MLLT10: variants seen among roughly 807,000 people sequenced by gnomAD.
MLLT10 encodes the protein protein AF-10.
MLLT10 carries 30 observed loss-of-function variants against 129.1 expected under a neutral mutation model. The ratio of observed to expected loss-of-function variants is 0.23; its 90% CI spans 0.17 to 0.32. MLLT10 has a LOEUF of 0.32. Among genes scored for constraint, MLLT10 ranks in the 10% least tolerant of loss-of-function variants. The pLI is 1.00. For synonymous variants in MLLT10, 490 were observed against 446.4 expected (o/e 1.10, Z -1.23); for missense variants, 1,119 against 1,268.3 (o/e 0.88, Z 1.79).
chr10:21,654,539 A>C lies in MLLT10; in HGVS notation c.795+2771A>C, dbSNP rs570271320. Among the ~76,000 whole-genome samples the C allele has an allele frequency of 3.3e-5, 5 of 152,290 alleles. No individual in the cohort carries two copies. In the South Asian group the frequency reaches 1.0e-3, roughly 32 times the overall value. On this transcript the variant is annotated intron_variant, in intron 9 of 22. Coordinates refer to ENST00000307729, the MANE Select transcript of MLLT10 (RefSeq NM_001195626.3). ...TTGAGTGAAGAAAAAAAGGCATGAG[A>C]TGGTTAACTATAATAATGCAAAAGA...
At chr10:21,588,471 G>A (rs1392854752) in intron 4 of MLLT10, among the ~76,000 whole-genome samples, 1 of 151,842 alleles carries the variant, frequency 6.6e-6, no homozygotes, top group Non-Finnish European at 1.5e-5. Context: ...CTTCTACTTT[G>A]ATGACTAACT....
intron 2 of MLLT10, among the ~76,000 whole-genome samples, chr10:21,535,541 G>A (rs968269359): frequency 4.6e-5 from 7 of 152,192 alleles, no homozygotes; most frequent in Non-Finnish European, 8.8e-5. Flanking sequence ...CTTTTGGGGA[G>A]CCTCTTAGTT....
In MLLT10 at chr10:21,717,701, TTCCTCCTCCTCCTCTTCCTCC is replaced by T. The variant is rs1564711102; in HGVS notation, c.1878+3778_1878+3798del. On this transcript the variant is annotated intron_variant, in intron 14 of 22. Transcript: ENST00000307729. ...CTTCCTCCTCCTCCTCCTCCTCCTCTTCCTCCTCCTCCTCTTCCTCCTCCTCCTCCTCCTCTTCCTCCTCCT... is the reference window on the plus strand; with the variant it reads ...CTTCCTCCTCCTCCTCCTCCTCCTCTTCCTCCTCCTCCTCTTCCTCCTCCT... Among the ~76,000 whole-genome samples, 94 of 23,362 alleles carry T rather than the reference TTCCTCCTCCTCCTCTTCCTCC, an allele frequency of 4.0e-3. 7 individuals are homozygous for T. The highest frequency in any genetic ancestry group is 9.3e-3 in the African/African-American group (44 of 4,732). The allele number at this position is 23,362 out of a possible 152,430, so 15.3% of individuals were successfully genotyped here. A position where few individuals can be genotyped will look rare whatever the true frequency, so the allele number is the denominator to read the frequency against.
intron 2 of MLLT10, among the ~76,000 whole-genome samples, chr10:21,537,760 C>T (rs1243031044): frequency 3.9e-5 from 6 of 152,290 alleles, no homozygotes; most frequent in African/African-American, 1.4e-4. Context: ...TGAGCCACCG[C>T]GTCCGACCTG....
chr10:21,685,404 A>G (rs1589634230), intron 13 of MLLT10, among the ~76,000 whole-genome samples: 1 of 152,276 alleles, frequency 6.6e-6, no homozygotes, highest in South Asian at 2.1e-4. Context: ...GTGCCATCTC[A>G]GCTCATTGCA....
chr10:21,571,277 A>C (rs2040173293), intron 3 of MLLT10, among the ~76,000 whole-genome samples: 1 of 152,218 alleles, frequency 6.6e-6, no homozygotes, highest in Non-Finnish European at 1.5e-5. Flanking sequence ...TTTGTCATTC[A>C]ACCAAAAGTT....
At chr10:21,701,916 G>T (rs112043241) in intron 13 of MLLT10, among the ~76,000 whole-genome samples, 4 of 142,080 alleles carry the variant, frequency 2.8e-5, no homozygotes, top group South Asian at 2.3e-4. Flanking sequence ...TTCTCTTCTC[G>T]TCTCGTCTCG....
chr10:21,628,431 CT>C (rs774410121), intron 8 of MLLT10, among the ~76,000 whole-genome samples: 1,417 of 115,986 alleles, frequency 0.012, 14 homozygotes, highest in Non-Finnish European at 0.014. Context: ...GATGCTCTCT[CT>C]TTTTTTTTTT....
chr10:21,571,824 A>G (rs1317741418), intron 3 of MLLT10, among the ~76,000 whole-genome samples: 1 of 152,176 alleles, frequency 6.6e-6, no homozygotes, highest in African/African-American at 2.4e-5. Flanking sequence ...AGGTGTTTAT[A>G]TGTCCTAAAT....
At chr10:21,713,678 G>A (rs1377650681) in intron 13 of MLLT10, 94 bp from the exon 14 acceptor site, 1 of 1,038,688 alleles carries the variant, frequency 9.6e-7, no homozygotes, top group Non-Finnish European at 1.4e-6. Context: ...AATTGGAGGA[G>A]GGATCCAGGA....
intron 13 of MLLT10, among the ~76,000 whole-genome samples, chr10:21,694,107 T>C (rs2054139156): frequency 6.6e-6 from 1 of 152,224 alleles, no homozygotes; most frequent in African/African-American, 2.4e-5. Context: ...AACTTTGTTT[T>C]TCTGAGCCAT....
intron 4 of MLLT10, among the ~76,000 whole-genome samples, chr10:21,590,188 G>C (rs911251080): frequency 6.6e-6 from 1 of 152,108 alleles, no homozygotes; most frequent in Non-Finnish European, 1.5e-5. Flanking sequence ...CTATCCTCCT[G>C]CCTCATCCTT....
At chr10:21,573,364 G>GATAGTTTGTT (rs2040405169) in intron 3 of MLLT10, among the ~76,000 whole-genome samples, 1 of 152,132 alleles carries the variant, frequency 6.6e-6, no homozygotes, top group African/African-American at 2.4e-5. Flanking sequence ...CCATTGAAAA[G>GATAGTTTGTT]ATAGTTTGTT....
At chr10:21,576,224 A>G (rs995551803) in intron 3 of MLLT10, among the ~76,000 whole-genome samples, 2 of 141,536 alleles carry the variant, frequency 1.4e-5, no homozygotes, top group African/African-American at 2.7e-5. Context: ...GCCACCGCAC[A>G]CCCAGCCTAT....
chr10:21,659,295 C>G (rs1410140399), intron 9 of MLLT10, among the ~76,000 whole-genome samples: 2 of 152,118 alleles, frequency 1.3e-5, no homozygotes, highest in Admixed American at 6.5e-5. Flanking sequence ...TTAGCCAAAT[C>G]TAAAATAAAC....
At chr10:21,548,471 G>A (rs937815979) in intron 3 of MLLT10, among the ~76,000 whole-genome samples, 11 of 150,982 alleles carry the variant, frequency 7.3e-5, no homozygotes, top group South Asian at 6.3e-4. Context: ...CCGGGTTCAC[G>A]CCATTCTCCT....
Position 21,678,252 on chromosome 10 carries a change from G to A in MLLT10, c.1622-3080G>A, listed in dbSNP as rs149935258. On this transcript the variant is annotated intron_variant, in intron 11 of 22. Transcript: ENST00000307729. ...CCCTAGTAGCTGGGACTACAGGTGC[G>A]CGCCACCACACTCAGCTAATTTTTG... is the stretch of plus-strand genomic sequence containing the variant. 9.4e-3 allele frequency among the ~76,000 whole-genome samples: 1,431 copies of A among 152,026 alleles called. 32 individuals carry two copies. Among genetic ancestry groups the A allele is most frequent in the African/African-American group, 0.031 (1,298 of 41,472 alleles).
intron 2 of MLLT10, among the ~76,000 whole-genome samples, chr10:21,538,403 T>C (rs916363199): frequency 2.0e-5 from 3 of 152,080 alleles, no homozygotes; most frequent in Non-Finnish European, 4.4e-5. Context: ...CCTCAGGTGA[T>C]CCGCCTGTCT....
chr10:21,620,064 G>C (rs1023069414), intron 8 of MLLT10, among the ~76,000 whole-genome samples: 7 of 151,698 alleles, frequency 4.6e-5, no homozygotes, highest in Non-Finnish European at 1.0e-4. Flanking sequence ...TGAGTAGCTG[G>C]GATTACAGGT....
Sources: allele counts gnomAD v4.1 joint callset (sites outside exome capture counted in the v4.1 genomes callset), GRCh38; gene constraint gnomAD v4.1.1; transcripts MANE v1.5; gene names NCBI Gene and HGNC (gene_info 2026-07-23, HGNC 2026-07-21).